Variants in PARD3B observed in about 807,000 individuals in gnomAD.
PARD3B encodes partitioning defective 3 homolog B.
A neutral mutation model predicts 130.2 loss-of-function variants in PARD3B; 103 were observed. The observed-to-expected ratio is 0.79, with a 90% confidence interval of 0.67 to 0.93. The LOEUF (loss-of-function observed/expected upper bound fraction) is 0.93, where lower values mean the gene tolerates loss of function less well. Among genes scored for constraint, PARD3B ranks in the 40% least tolerant of loss-of-function variants. PARD3B has a pLI of 0.00. For missense variants in PARD3B, 1,609 were observed against 1,499.2 expected, an observed-to-expected ratio of 1.07 and a Z score of -1.21; for synonymous variants, 583 against 553.2, an observed-to-expected ratio of 1.05 and a Z score of -0.76.
chr2:205,137,923 G>T, intron 10 of PARD3B, among the ~76,000 whole-genome samples: 1 of 152,184 alleles, frequency 6.6e-6, no homozygotes, highest in East Asian at 1.9e-4. Flanking sequence ...GTCAAAACAA[G>T]GTCAAGTCAC....
At chr2:204,788,558 A>G (rs1460165281) in intron 2 of PARD3B, among the ~76,000 whole-genome samples, 1 of 152,212 alleles carries the variant, frequency 6.6e-6, no homozygotes, top group Admixed American at 6.5e-5. Flanking sequence ...CAGTCTTTGG[A>G]TGTCCCATCA....
chr2:205,353,866 T>A (rs1277235426), intron 18 of PARD3B, among the ~76,000 whole-genome samples: 1 of 152,124 alleles, frequency 6.6e-6, no homozygotes, highest in African/African-American at 2.4e-5. Flanking sequence ...CAAAGCATTT[T>A]AATAAACACT....
chr2:205,097,577 C>T (rs1702475073), intron 4 of PARD3B, among the ~76,000 whole-genome samples: 1 of 152,160 alleles, frequency 6.6e-6, no homozygotes, highest in Non-Finnish European at 1.5e-5. Flanking sequence ...CAAGCAGCAT[C>T]AGAAACTTGT....
intron 2 of PARD3B, among the ~76,000 whole-genome samples, chr2:204,845,973 G>A (rs1243485137): frequency 6.6e-6 from 1 of 151,980 alleles, no homozygotes; most frequent in Non-Finnish European, 1.5e-5. Context: ...GCCAGATTGA[G>A]AAAGAATATC....
intron 15 of PARD3B, among the ~76,000 whole-genome samples, chr2:205,210,236 AAAAAT>A (rs1304679945): frequency 2.6e-5 from 4 of 152,046 alleles, no homozygotes; most frequent in Non-Finnish European, 4.4e-5. Flanking sequence ...AAATTTTTTA[AAAAAT>A]AAAATAAAAA....
chr2:204,932,827 G>T (rs1310651668), intron 2 of PARD3B, among the ~76,000 whole-genome samples: 1 of 152,170 alleles, frequency 6.6e-6, no homozygotes, highest in East Asian at 1.9e-4. Flanking sequence ...TTTTACACTA[G>T]TCAGTGACAG....
At chr2:205,285,282 A>G (rs1559621887) in intron 16 of PARD3B, among the ~76,000 whole-genome samples, 1 of 152,142 alleles carries the variant, frequency 6.6e-6, no homozygotes, top group Non-Finnish European at 1.5e-5. Context: ...AAGATTAGCT[A>G]TCATTATTAT....
chr2:205,411,595 C>T (rs969792899), intron 19 of PARD3B, among the ~76,000 whole-genome samples: 1 of 152,134 alleles, frequency 6.6e-6, no homozygotes, highest in Non-Finnish European at 1.5e-5. Context: ...GGAATTAAAA[C>T]CCCAGATAAC....
intron 1 of PARD3B, among the ~76,000 whole-genome samples, chr2:204,583,289 G>C (rs1444209941): frequency 1.0e-5 from 1 of 95,912 alleles, no homozygotes; most frequent in East Asian, 2.6e-4. Flanking sequence ...GGAATACTAT[G>C]CAGCCATAAA....
chr2:205,557,357 G>C (rs1281762404), intron 22 of PARD3B, among the ~76,000 whole-genome samples: 1 of 152,066 alleles, frequency 6.6e-6, no homozygotes, highest in Non-Finnish European at 1.5e-5. Context: ...TAAGTTCTAC[G>C]AAGATGACTA....
chr2:205,110,925 T>C (rs1703600481), intron 5 of PARD3B, among the ~76,000 whole-genome samples: 1 of 152,158 alleles, frequency 6.6e-6, no homozygotes, highest in Admixed American at 6.5e-5. Flanking sequence ...CCAGTCCTAC[T>C]TGCTGTGTTT....
At chr2:205,077,940 C>T (rs989716806) in intron 4 of PARD3B, among the ~76,000 whole-genome samples, 4 of 152,276 alleles carry the variant, frequency 2.6e-5, no homozygotes, top group Middle Eastern at 3.4e-3. Context: ...AACACATAAT[C>T]ATTTCAATGT....
chr2:205,457,460 C>G (rs567421419), intron 20 of PARD3B, among the ~76,000 whole-genome samples: 1 of 151,936 alleles, frequency 6.6e-6, no homozygotes, highest in South Asian at 2.1e-4. Context: ...TGTTTTGAGC[C>G]AAACAATACA....
Position 205,590,149 on chromosome 2 carries a change from T to C in PARD3B, c.3261-25307T>C, listed in dbSNP as rs1217559782. Reference sequence around the variant, plus strand: ...TTGTTCTCTCTACATATTATTCCGATGCTTTATTTATCCAATACAGGAAAA... The same window carrying C: ...TTGTTCTCTCTACATATTATTCCGACGCTTTATTTATCCAATACAGGAAAA... On this transcript the variant is annotated intron_variant, in intron 22 of 22. Transcript: ENST00000406610. This position sits in a 1 kb window ranked among gnomAD's most constrained non-coding sequence, Gnocchi z 4.1. Among the ~76,000 whole-genome samples the C allele has an allele frequency of 2.0e-5, 3 of 152,234 alleles. No individual in the cohort carries two copies. In the East Asian group the frequency reaches 5.8e-4, roughly 29 times the overall value.
In PARD3B at chr2:205,525,477, C is replaced by T. The variant is rs975554973; in HGVS notation, c.3180+25446C>T. Among the ~76,000 whole-genome samples, 3 of 151,954 alleles carry T rather than the reference C, an allele frequency of 2.0e-5. No homozygotes were observed. Among genetic ancestry groups the T allele is most frequent in the Non-Finnish European group, 2.9e-5 (2 of 67,980 alleles). The stretch of plus-strand genomic sequence containing the variant: ...ATGTATGCACAGTTACCTATGAACA[C>T]AAAAAGGTTTAATTTTTTCTGTCAA... On this transcript the variant is annotated intron_variant, in intron 21 of 22. Transcript: ENST00000406610. The surrounding 1 kb of genome is among the most constrained non-coding windows in gnomAD (Gnocchi z 4.2).
intron 18 of PARD3B, among the ~76,000 whole-genome samples, chr2:205,340,130 G>A (rs1318131351): frequency 2.0e-5 from 3 of 152,060 alleles, no homozygotes; most frequent in Non-Finnish European, 4.4e-5. Context: ...TTGTCACAAG[G>A]TAACAATAGG....
At chr2:205,212,805 A>G (rs1264503783) in intron 15 of PARD3B, among the ~76,000 whole-genome samples, 1 of 152,156 alleles carries the variant, frequency 6.6e-6, no homozygotes, top group East Asian at 1.9e-4. Context: ...TCTCTTTTAC[A>G]TATGGTAAAA....
At chr2:205,448,279 A>C (rs558985786) in intron 20 of PARD3B, among the ~76,000 whole-genome samples, 164 of 152,360 alleles carry the variant, frequency 1.1e-3, no homozygotes, top group African/African-American at 3.8e-3. Flanking sequence ...AGATATGGTC[A>C]GAAAATCACA....
chr2:205,281,935 A>G lies in PARD3B; in HGVS notation c.2186-18595A>G, dbSNP rs1053173266. 2.0e-5 allele frequency among the ~76,000 whole-genome samples: 3 copies of G among 152,246 alleles called. No homozygotes were observed. Among genetic ancestry groups the G allele is most frequent in the Non-Finnish European group, 4.4e-5 (3 of 68,040 alleles). ...TTGTGTGTCTTCCTGGTTTTAACTT[A>G]CACACATCAGTAGCTTTTGTTCACT... On this transcript the variant is annotated intron_variant, in intron 16 of 22. Coordinates refer to ENST00000406610, the MANE Select transcript of PARD3B (RefSeq NM_001302769.2). The surrounding 1 kb of genome is among the most constrained non-coding windows in gnomAD (Gnocchi z 4.2).
Sources: gnomAD v4.1 joint callset for allele counts (sites outside exome capture counted in the v4.1 genomes callset) on GRCh38, gnomAD v4.1.1 for gene constraint, Gnocchi (gnomAD v3.1) non-coding constraint, MANE v1.5 for transcripts, NCBI Gene and HGNC (gene_info 2026-07-23, HGNC 2026-07-21) for gene names.